Variants in CFAP77 observed in about 807,000 individuals in gnomAD.
The protein encoded by CFAP77 is cilia- and flagella-associated protein 77.
Under a neutral mutation model 31.1 loss-of-function variants are expected in CFAP77, and 25 were observed. The observed-to-expected ratio is 0.80, with a 90% CI of 0.59 to 1.12. The LOEUF is 1.12. CFAP77 is among the 50% of genes most tolerant of loss of function. The pLI, the probability that CFAP77 is intolerant of heterozygous loss-of-function variation, is 0.00. For missense variants in CFAP77, 377 were observed against 397.3 expected (o/e 0.95, Z 0.44); for synonymous variants, 151 against 159.9 (o/e 0.94, Z 0.42).
At chr9:132,502,359 A>G (rs79860825) in intron 3 of CFAP77, among the ~76,000 whole-genome samples, 11,787 of 151,272 alleles carry the variant, frequency 0.078, 614 homozygotes, top group South Asian at 0.15. Context: ...AAGATTTATC[A>G]TCTGAACCAT....
At chr9:132,510,259 C>T (rs1282003288) in intron 3 of CFAP77, among the ~76,000 whole-genome samples, 1 of 152,236 alleles carries the variant, frequency 6.6e-6, no homozygotes, top group East Asian at 1.9e-4. Flanking sequence ...TCTGCTCTGC[C>T]TTTGATTTTT....
In CFAP77 at chr9:132,545,319, G is replaced by A. The variant is rs1401005696; in HGVS notation, c.732+2272G>A. 5.3e-5 allele frequency among the ~76,000 whole-genome samples: 8 copies of A among 152,240 alleles called. No homozygotes were observed. Among genetic ancestry groups the A allele is most frequent in the Non-Finnish European group, 5.9e-5 (4 of 68,044 alleles). ...AGAACAAGAGTCCTGACCAGGTGGTGCAGATGAAAGGCAGAGGGGGAGCAC... is the reference window on the plus strand; with the variant it reads ...AGAACAAGAGTCCTGACCAGGTGGTACAGATGAAAGGCAGAGGGGGAGCAC... On this transcript the variant is annotated intron_variant, in intron 5 of 5. Transcript: ENST00000393216. The surrounding 1 kb of genome is among the most constrained non-coding windows in gnomAD (Gnocchi z 4.6).
At chr9:132,568,639 G>T (rs962224364) in intron 5 of CFAP77, among the ~76,000 whole-genome samples, 11 of 151,698 alleles carry the variant, frequency 7.3e-5, no homozygotes, top group African/African-American at 2.4e-4. Context: ...CATGTTAAGG[G>T]TTCCCACCAA....
intron 1 of CFAP77, among the ~76,000 whole-genome samples, chr9:132,489,092 C>T (rs1851612973): frequency 6.6e-6 from 1 of 152,096 alleles, no homozygotes; most frequent in African/African-American, 2.4e-5. Flanking sequence ...CTCTTAATTC[C>T]AACACCTCAT....
intron 1 of CFAP77, among the ~76,000 whole-genome samples, chr9:132,477,993 G>A (rs1367956395): frequency 6.6e-6 from 1 of 152,134 alleles, no homozygotes; most frequent in Non-Finnish European, 1.5e-5. Context: ...TGAAAACTAA[G>A]ACAGGAGATT....
At position 132,498,886 on chromosome 9, in the gene CFAP77, AGCTGGTTGGGT is replaced by A. The variant is rs1851791066; in HGVS notation, c.295+98_295+108del. On this transcript the variant is annotated intron_variant, in intron 2 of 5. Coordinates refer to ENST00000393216, the MANE Select transcript of CFAP77 (RefSeq NM_001282957.2). The surrounding 1 kb of genome is among the most constrained non-coding windows in gnomAD (Gnocchi z 4.2). Reference sequence around the variant, plus strand: ...CCCTTGACCTAGCTCGCTGCTTGGCAGCTGGTTGGGTGCTGGAGAAAGACCCAGGGACCGCC... The same window carrying A: ...CCCTTGACCTAGCTCGCTGCTTGGCAGCTGGAGAAAGACCCAGGGACCGCC... The A allele has an allele frequency of 1.1e-6, 1 of 927,600 alleles. No homozygotes were observed. The highest frequency in any genetic ancestry group is 2.3e-5 in the Admixed American group (1 of 43,900). 57.5% of individuals were successfully genotyped at this position (927,600 alleles called of 1,614,324 possible).
chr9:132,486,966 G>T (rs1381196182), intron 1 of CFAP77, among the ~76,000 whole-genome samples: 5 of 152,252 alleles, frequency 3.3e-5, no homozygotes, highest in Admixed American at 3.3e-4. Flanking sequence ...CGGGGAGCGG[G>T]GACCAGGCAG....
At chr9:132,503,029 A>T (rs1851879629) in intron 3 of CFAP77, among the ~76,000 whole-genome samples, 1 of 151,980 alleles carries the variant, frequency 6.6e-6, no homozygotes, top group South Asian at 2.1e-4. Context: ...AAGTTTTCCC[A>T]CCTCTCGTGG....
intron 1 of CFAP77, among the ~76,000 whole-genome samples, chr9:132,422,808 C>T (rs11795012): frequency 0.41 from 63,074 of 152,052 alleles, 15,840 homozygotes; most frequent in Non-Finnish European, 0.57. Context: ...TGACAACAGG[C>T]GGACAAAGGG....
rs1158862134 is a variant in CFAP77 at position 132,564,656 on chromosome 9, A to G, written c.733-7732A>G. ...GCTAATATTGGAGAAAAAAAGAAAG[A>G]TGAAAGGTAATTAGCTAAGCCAACG... On this transcript the variant is annotated intron_variant, in intron 5 of 5. Transcript: ENST00000393216. The surrounding 1 kb of genome is among the most constrained non-coding windows in gnomAD (Gnocchi z 4.6). 6.6e-6 allele frequency among the ~76,000 whole-genome samples: 1 copy of G among 152,182 alleles called. No homozygotes were observed. Among genetic ancestry groups the G allele is most frequent in the Non-Finnish European group, 1.5e-5 (1 of 68,046 alleles).
At chr9:132,482,279 T>A in intron 1 of CFAP77, 1 of 1,538,388 alleles carries the variant, frequency 6.5e-7, no homozygotes, top group Non-Finnish European at 9.0e-7. Context: ...ACTGACCAAA[T>A]GATCAAGTGG....
intron 1 of CFAP77, among the ~76,000 whole-genome samples, chr9:132,411,571 T>C (rs1231081930): frequency 6.6e-6 from 1 of 152,162 alleles, no homozygotes; most frequent in African/African-American, 2.4e-5. Context: ...TTCCATCGAA[T>C]AGGCTCCTTT....
chr9:132,518,617 A>T (rs1209779711), intron 3 of CFAP77, among the ~76,000 whole-genome samples: 1 of 152,098 alleles, frequency 6.6e-6, no homozygotes, highest in Non-Finnish European at 1.5e-5. Flanking sequence ...TTAGGATGGG[A>T]GGCATTTGGA....
intron 1 of CFAP77, among the ~76,000 whole-genome samples, chr9:132,493,541 A>G (rs1245509409): frequency 1.3e-5 from 2 of 152,220 alleles, no homozygotes; most frequent in Admixed American, 6.5e-5. Context: ...ACAGTCATGG[A>G]TGAATGGCTC....
At chr9:132,506,063 C>T (rs1212160138) in intron 3 of CFAP77, among the ~76,000 whole-genome samples, 1 of 152,234 alleles carries the variant, frequency 6.6e-6, no homozygotes, top group South Asian at 2.1e-4. Context: ...AAGGGCCCTC[C>T]CCGAGGCGTT....
rs79518712 is a variant in CFAP77 at position 132,449,191 on chromosome 9, T to A, written c.195+38725T>A. ...CAGTTTGGTTGATTTGGCAGTTATGTGCAATCACGTAACCTCCATCACAGT... is the reference window on the plus strand; with the variant it reads ...CAGTTTGGTTGATTTGGCAGTTATGAGCAATCACGTAACCTCCATCACAGT... On this transcript the variant is annotated intron_variant, in intron 1 of 5. Transcript: ENST00000393216. Among the ~76,000 whole-genome samples, 283 of 152,348 alleles carry A rather than the reference T, an allele frequency of 1.9e-3. 1 individual carries two copies. The highest frequency in any genetic ancestry group is 0.011 in the South Asian group (55 of 4,828).
At chr9:132,496,478 C>A (rs1851745484) in intron 1 of CFAP77, among the ~76,000 whole-genome samples, 1 of 152,200 alleles carries the variant, frequency 6.6e-6, no homozygotes, top group Non-Finnish European at 1.5e-5. Flanking sequence ...GCCCCTTAGC[C>A]ATCACGGCTA....
chr9:132,412,954 T>C (rs565471767), intron 1 of CFAP77, among the ~76,000 whole-genome samples: 65 of 152,302 alleles, frequency 4.3e-4, no homozygotes, highest in Non-Finnish European at 8.4e-4. Context: ...CTTTCCGCTA[T>C]GTATGGTAGA....
intron 1 of CFAP77, 126 bp downstream of exon 1, chr9:132,410,592 G>A (rs974189834): frequency 7.1e-6 from 6 of 840,770 alleles, no homozygotes; most frequent in Non-Finnish European, 8.8e-6. Context: ...GGAAGCTCCA[G>A]CTCTGGTCCA....
Sources: gnomAD v4.1 joint callset for allele counts (sites outside exome capture counted in the v4.1 genomes callset) on GRCh38, gnomAD v4.1.1 for gene constraint, Gnocchi (gnomAD v3.1) non-coding constraint, MANE v1.5 for transcripts, NCBI Gene and HGNC (gene_info 2026-07-23, HGNC 2026-07-21) for gene names.